The following HTT variants were observed in gnomAD, a reference collection of about 807,000 sequenced individuals.
HTT encodes huntington disease protein.
A neutral mutation model predicts 362.3 loss-of-function variants in HTT; 104 were observed. That is an observed-to-expected ratio of 0.29 (90% CI 0.24 to 0.34). The LOEUF (loss-of-function observed/expected upper bound fraction) is 0.34, where lower values mean the gene tolerates loss of function less well. Ranked by LOEUF, HTT falls within the 10% of genes least tolerant of loss-of-function variation. The pLI, the probability that HTT is intolerant of heterozygous loss-of-function variation, is 1.00. For missense variants in HTT, 3,301 were observed against 3,928.6 expected, an observed-to-expected ratio of 0.84 and a Z score of 4.27; for synonymous variants, 1,577 against 1,548.7, an observed-to-expected ratio of 1.02 and a Z score of -0.43.
At chr4:3,202,497 G>A (rs1325469574) in intron 41 of HTT, among the ~76,000 whole-genome samples, 8 of 152,114 alleles carry the variant, frequency 5.3e-5, no homozygotes, top group African/African-American at 1.2e-4. Flanking sequence ...TTTCCTGTTC[G>A]TTAGTTTTCA....
rs370210262 is a variant in HTT, at chr4:3,103,684, C to A, written c.469-140C>A. 50 of 611,994 alleles carry A rather than the reference C, an allele frequency of 8.2e-5. 1 individual carries two copies. The highest frequency in any genetic ancestry group is 6.5e-4 in the East Asian group (24 of 37,012). The allele number at this position is 611,994 out of a possible 1,614,324, so 37.9% of individuals were successfully genotyped here. A position where few individuals can be genotyped will look rare whatever the true frequency, so the allele number is the denominator to read the frequency against. On this transcript the variant is annotated intron_variant, in intron 3 of 66. Transcript: ENST00000355072. ...ACTTCCTGCATATATTTGTTTCTTT[C>A]ATTCTTAATGAATATATTCTTAATT...
intron 53 of HTT, among the ~76,000 whole-genome samples, chr4:3,221,447 G>A (rs775185383): frequency 6.6e-6 from 1 of 152,160 alleles, no homozygotes; most frequent in Non-Finnish European, 1.5e-5. Flanking sequence ...AGACTGTGCC[G>A]CAGTCCTTGC....
chr4:3,135,484 G>C (rs1451644457), intron 19 of HTT, among the ~76,000 whole-genome samples: 2 of 150,614 alleles, frequency 1.3e-5, no homozygotes, highest in Non-Finnish European at 3.0e-5. Context: ...TAGAGCCCTT[G>C]TGGGTTATTT....
At chr4:3,219,347 C>T (rs1266914774) in intron 52 of HTT, among the ~76,000 whole-genome samples, 2 of 152,088 alleles carry the variant, frequency 1.3e-5, no homozygotes, top group Non-Finnish European at 2.9e-5. Flanking sequence ...TGAGGATAGG[C>T]CAGGACGGGC....
At chr4:3,173,731 C>T (rs1012806966) in intron 31 of HTT, among the ~76,000 whole-genome samples, 3 of 150,508 alleles carry the variant, frequency 2.0e-5, no homozygotes, top group Non-Finnish European at 2.9e-5. Context: ...TGCAGTGGTG[C>T]AATCTCAGCT....
intron 51 of HTT, among the ~76,000 whole-genome samples, chr4:3,217,057 C>G (rs1040410122): frequency 6.6e-6 from 1 of 152,004 alleles, no homozygotes; most frequent in Non-Finnish European, 1.5e-5. Context: ...AAAGCCAACT[C>G]GTTAGCGTGG....
At chr4:3,075,160 C>T in intron 1 of HTT, 72 bp downstream of exon 1, 3 of 1,181,088 alleles carry the variant, frequency 2.5e-6, no homozygotes, top group Non-Finnish European at 3.1e-6. Flanking sequence ...GGTAACCCTG[C>T]AGCCTGCGGG....
intron 23 of HTT, among the ~76,000 whole-genome samples, chr4:3,144,092 T>TGG (rs1716484135): frequency 6.6e-6 from 1 of 152,052 alleles, no homozygotes; most frequent in South Asian, 2.1e-4. Flanking sequence ...ACAAACCTGG[T>TGG]GGGGGTATAG....
At chr4:3,096,369 A>G (rs988427724) in intron 2 of HTT, among the ~76,000 whole-genome samples, 13 of 152,204 alleles carry the variant, frequency 8.5e-5, no homozygotes, top group African/African-American at 3.1e-4. Context: ...CCCCTGTGCA[A>G]CCTCATTGGC....
At chr4:3,143,253 G>A (rs893478837) in intron 23 of HTT, among the ~76,000 whole-genome samples, 17 of 151,812 alleles carry the variant, frequency 1.1e-4, no homozygotes, top group African/African-American at 4.1e-4. Flanking sequence ...CCTGGCCAAC[G>A]TGGTGAAACC....
intron 1 of HTT, among the ~76,000 whole-genome samples, chr4:3,077,884 C>T (rs183226004): frequency 3.9e-5 from 6 of 152,302 alleles, no homozygotes; most frequent in Admixed American, 2.0e-4. Flanking sequence ...ACACTGCTCA[C>T]AAAGTTTGGA....
chr4:3,169,628 T>C (rs564422671), intron 29 of HTT, among the ~76,000 whole-genome samples: 51 of 152,034 alleles, frequency 3.4e-4, no homozygotes, highest in Admixed American at 5.9e-4. Context: ...GGCTGGAGTT[T>C]AGTGGTGCGA....
intron 59 of HTT, 48 bp from the exon 60 acceptor site, chr4:3,229,839 C>CTA: frequency 2.5e-6 from 4 of 1,602,868 alleles, no homozygotes; most frequent in Non-Finnish European, 3.4e-6. Context: ...TGCCTGGATT[C>CTA]TAACAGCGCG....
rs1435078158 is a variant in HTT, at chr4:3,241,718, G to A, written c.*1659G>A. 6.6e-6 allele frequency: 1 copy of A among 152,108 alleles called. No individual in the cohort carries two copies. Among genetic ancestry groups the A allele is most frequent in the Non-Finnish European group, 1.5e-5 (1 of 68,062 alleles). The allele number at this position is 152,108 out of a possible 1,614,324, so 9.4% of individuals were successfully genotyped here. Reference sequence around the variant, plus strand: ...GGCAGCTGGGGAGCAGCTGAGATGTGGACTTGTATGCTGCCCACATACGTG... The same window carrying A: ...GGCAGCTGGGGAGCAGCTGAGATGTAGACTTGTATGCTGCCCACATACGTG... On this transcript the variant is annotated 3_prime_UTR_variant, in exon 67 of 67. Transcript: ENST00000355072.
At chr4:3,184,286 A>G (rs1718656451) in intron 37 of HTT, among the ~76,000 whole-genome samples, 1 of 152,038 alleles carries the variant, frequency 6.6e-6, no homozygotes, top group African/African-American at 2.4e-5. Flanking sequence ...ACATGCTGTT[A>G]GGGTACAAGC....
rs540685289 is a variant in HTT at position 3,165,343 on chromosome 4, G to C, written c.3864+4951G>C. 3.3e-5 allele frequency among the ~76,000 whole-genome samples: 5 copies of C among 151,766 alleles called. No homozygotes were observed. The South Asian group carries it at 1.0e-3, about 32-fold the overall frequency. ...GGTAACCCGACCTTTCTCTCTGGCT[G>C]CCCTTTCCTTCATTTCAATCTTGGT... On this transcript the variant is annotated intron_variant, in intron 29 of 66. Transcript: ENST00000355072.
rs1434488520 is a variant in HTT at position 3,242,615 on chromosome 4, A to C, written c.*2556A>C. The C allele has an allele frequency of 6.6e-6, 1 of 152,228 alleles. No individual in the cohort carries two copies. The highest frequency in any genetic ancestry group is 1.5e-5 in the Non-Finnish European group (1 of 68,054). The allele number at this position is 152,228 out of a possible 1,614,324, so 9.4% of individuals were successfully genotyped here. A position where few individuals can be genotyped will look rare whatever the true frequency, so the allele number is the denominator to read the frequency against. On this transcript the variant is annotated 3_prime_UTR_variant, in exon 67 of 67. Transcript: ENST00000355072. Reference sequence around the variant, plus strand: ...GATCCCACTGGCGAAGATGGTCTCCATATCAGCTCTCTGCAGAAGGGAGGA... The same window carrying C: ...GATCCCACTGGCGAAGATGGTCTCCCTATCAGCTCTCTGCAGAAGGGAGGA...
At chr4:3,082,741 T>C (rs1421129362) in intron 1 of HTT, among the ~76,000 whole-genome samples, 1 of 152,166 alleles carries the variant, frequency 6.6e-6, no homozygotes, top group African/African-American at 2.4e-5. Flanking sequence ...GTTGCTCATA[T>C]GTGTCCAGGT....
At position 3,223,540 on chromosome 4, in the gene HTT, T is replaced by G. The variant is rs906999333; in HGVS notation, c.7605T>G (p.Pro2535=). The change falls in exon 55 of 67, where the codon CCT becomes CCG. Residue 2535 remains proline, a synonymous_variant. Transcript: ENST00000355072. Reference sequence around the variant, plus strand: ...TGGAGCAGCAGCCCCGGAACAAGCCTCTGAAAGCTCTCGACACCAGGTTTG... The same window carrying G: ...TGGAGCAGCAGCCCCGGAACAAGCCGCTGAAAGCTCTCGACACCAGGTTTG... ...SCLEQQPRNK[P]LKALDTRFGR... is the part of the protein sequence containing the mutation. 1 of 1,610,934 alleles carries G rather than the reference T, an allele frequency of 6.2e-7. No homozygotes were observed. The highest frequency in any genetic ancestry group is 1.1e-5 in the South Asian group (1 of 90,564).
Sources: gnomAD v4.1 joint callset for allele counts (sites outside exome capture counted in the v4.1 genomes callset) on GRCh38, gnomAD v4.1.1 for gene constraint, MANE v1.5 for transcripts, NCBI Gene and HGNC (gene_info 2026-07-23, HGNC 2026-07-21) for gene names.